Variants in CACNA1C observed in about 807,000 individuals in gnomAD.
The protein encoded by CACNA1C is calcium voltage-gated channel subunit alpha1 C.
CACNA1C carries 30 observed loss-of-function variants against 229.0 expected under a neutral mutation model. The ratio of observed to expected loss-of-function variants is 0.13; its 90% CI spans 0.10 to 0.18. The LOEUF is 0.18. Among genes scored for constraint, CACNA1C ranks in the 10% least tolerant of loss-of-function variants. The pLI is 1.00. For missense variants in CACNA1C, 1,658 were observed against 2,845.0 expected (o/e 0.58, Z 9.49); for synonymous variants, 1,114 against 1,132.5 (o/e 0.98, Z 0.33).
At chr12:2,619,476 A>G (rs982227558) in intron 29 of CACNA1C, among the ~76,000 whole-genome samples, 1 of 152,100 alleles carries the variant, frequency 6.6e-6, no homozygotes, top group African/African-American at 2.4e-5. Context: ...TCCTGAGCCC[A>G]TGTATTCTAT....
chr12:2,626,077 T>C (rs373496797), intron 29 of CACNA1C, among the ~76,000 whole-genome samples: 3 of 152,182 alleles, frequency 2.0e-5, no homozygotes, highest in East Asian at 3.9e-4. Context: ...CCGAGGCTCA[T>C]TGTGGGAAGT....
At chr12:2,615,629 G>A (rs1026372266) in intron 29 of CACNA1C, among the ~76,000 whole-genome samples, 2 of 152,190 alleles carry the variant, frequency 1.3e-5, no homozygotes, top group Admixed American at 6.5e-5. Flanking sequence ...AACAGGATGA[G>A]GCTGGGTGGT....
At chr12:2,550,563 G>T (rs986995655) in intron 10 of CACNA1C, 1 of 1,351,874 alleles carries the variant, frequency 7.4e-7, no homozygotes, top group African/African-American at 1.5e-5. Flanking sequence ...CAGAAGTGCA[G>T]TGGAGCCTGC....
intron 38 of CACNA1C, among the ~76,000 whole-genome samples, chr12:2,670,941 A>G (rs2096538957): frequency 6.6e-6 from 1 of 151,936 alleles, no homozygotes; most frequent in Non-Finnish European, 1.5e-5. Flanking sequence ...AAAATATACC[A>G]TCAGTAGCCA....
chr12:2,603,563 G>C (rs946778782), intron 22 of CACNA1C: 2 of 152,198 alleles, frequency 1.3e-5, no homozygotes, highest in African/African-American at 4.8e-5. Context: ...TGGTTAATGA[G>C]CCCCACCTGG....
chr12:2,369,242 T>C (rs949904807), intron 3 of CACNA1C, among the ~76,000 whole-genome samples: 1 of 152,138 alleles, frequency 6.6e-6, no homozygotes. Flanking sequence ...ATGGTAAAAA[T>C]AACTTTAAGG....
At chr12:2,235,762 C>G (rs970885646) in intron 3 of CACNA1C, among the ~76,000 whole-genome samples, 4 of 152,214 alleles carry the variant, frequency 2.6e-5, no homozygotes, top group Non-Finnish European at 2.9e-5. Context: ...GAAGCTGTCT[C>G]TGGCAGGCAG....
chr12:2,234,033 T>A (rs1464327548), intron 3 of CACNA1C, among the ~76,000 whole-genome samples: 1 of 152,218 alleles, frequency 6.6e-6, no homozygotes, highest in Non-Finnish European at 1.5e-5. Flanking sequence ...CTTCTCCCTT[T>A]GGCTGTTTAT....
intron 3 of CACNA1C, among the ~76,000 whole-genome samples, chr12:2,203,963 CT>C (rs2097678806): frequency 6.6e-6 from 1 of 152,144 alleles, no homozygotes; most frequent in South Asian, 2.1e-4. Flanking sequence ...GCTCTGCAGT[CT>C]TTTGGACATT....
intron 37 of CACNA1C, among the ~76,000 whole-genome samples, chr12:2,668,201 T>C (rs1363945211): frequency 1.3e-5 from 2 of 152,226 alleles, no homozygotes; most frequent in African/African-American, 2.4e-5. Context: ...CGGTCTTTGC[T>C]GCCAGTGGAG....
chr12:2,450,597 A>G (rs1157757132), intron 4 of CACNA1C, among the ~76,000 whole-genome samples: 1 of 145,116 alleles, frequency 6.9e-6, no homozygotes, highest in African/African-American at 2.6e-5. Flanking sequence ...ATGAAGTTCC[A>G]TCAACACATC....
intron 3 of CACNA1C, among the ~76,000 whole-genome samples, chr12:2,296,160 G>A (rs2094018521): frequency 6.6e-6 from 1 of 152,224 alleles, no homozygotes; most frequent in African/African-American, 2.4e-5. Context: ...GACAGATGAT[G>A]AGTGAGCACA....
At chr12:2,643,522 C>T (rs1056679694) in intron 30 of CACNA1C, among the ~76,000 whole-genome samples, 9 of 152,224 alleles carry the variant, frequency 5.9e-5, no homozygotes, top group Non-Finnish European at 1.3e-4. Context: ...TTAACCTTCG[C>T]CTCTCTTAGC....
At position 2,181,707 on chromosome 12, in the gene CACNA1C, C is replaced by T. The variant is rs74062242; in HGVS notation, c.477+61277C>T. Among the ~76,000 whole-genome samples the T allele has an allele frequency of 0.019, 2,922 of 152,198 alleles. 112 individuals are homozygous for T. The highest frequency in any genetic ancestry group is 0.067 in the African/African-American group (2,777 of 41,512). ...TTGTAGGCCAGGGGACCCACATCCA[C>T]GATATCGTTTTTTTACAGCTCATTA... On this transcript the variant is annotated intron_variant, in intron 3 of 46. Coordinates refer to ENST00000399655, the MANE Select transcript of CACNA1C (RefSeq NM_000719.7). This position sits in a 1 kb window ranked among gnomAD's most constrained non-coding sequence, Gnocchi z 4.0.
intron 30 of CACNA1C, among the ~76,000 whole-genome samples, chr12:2,635,862 G>A (rs543713389): frequency 3.9e-5 from 6 of 152,216 alleles, no homozygotes; most frequent in African/African-American, 1.4e-4. Flanking sequence ...GTGCATGTGT[G>A]TATGTGTGTG....
chr12:2,288,375 A>G lies in CACNA1C; in HGVS notation c.478-160601A>G, dbSNP rs147699704. On this transcript the variant is annotated intron_variant, in intron 3 of 46. Coordinates refer to ENST00000399655, the MANE Select transcript of CACNA1C (RefSeq NM_000719.7). ...TCCTGGACAGTTCAGGAACCAATCA[A>G]CCAGCTGGCCTTGGCAACCTAGAAA... Among the ~76,000 whole-genome samples the G allele has an allele frequency of 2.4e-4, 36 of 152,228 alleles. No homozygotes were observed. In the East Asian group the frequency reaches 6.2e-3, roughly 26 times the overall value.
At position 2,653,648 on chromosome 12, in the gene CACNA1C, G is replaced by A. The variant is rs1472297177; in HGVS notation, c.4075-187G>A. Among the ~76,000 whole-genome samples the A allele has an allele frequency of 6.6e-6, 1 of 152,224 alleles. No homozygotes were observed. Among genetic ancestry groups the A allele is most frequent in the East Asian group, 1.9e-4 (1 of 5,192 alleles). ...TTTGAAAACCAAGCTGAAATGGGAA[G>A]TCAGTTCCGGTTTCTCAGACCTTCT... is the stretch of plus-strand genomic sequence containing the variant. On this transcript the variant is annotated intron_variant, in intron 32 of 46. Coordinates refer to ENST00000399655, the MANE Select transcript of CACNA1C (RefSeq NM_000719.7). This position sits in a 1 kb window ranked among gnomAD's most constrained non-coding sequence, Gnocchi z 4.7.
At chr12:2,271,651 G>A (rs760262054) in intron 3 of CACNA1C, among the ~76,000 whole-genome samples, 10 of 152,152 alleles carry the variant, frequency 6.6e-5, no homozygotes, top group Non-Finnish European at 1.2e-4. Context: ...TGTAATGCCA[G>A]CATTTAGGGA....
intron 7 of CACNA1C, among the ~76,000 whole-genome samples, chr12:2,499,890 G>A (rs1391190740): frequency 6.6e-6 from 1 of 152,044 alleles, no homozygotes; most frequent in Admixed American, 6.6e-5. Context: ...ATGACTCCAG[G>A]CATCGCCCTA....
Sources: gnomAD v4.1 joint callset for allele counts (sites outside exome capture counted in the v4.1 genomes callset) on GRCh38, gnomAD v4.1.1 for gene constraint, Gnocchi (gnomAD v3.1) non-coding constraint, MANE v1.5 for transcripts, NCBI Gene and HGNC (gene_info 2026-07-23, HGNC 2026-07-21) for gene names.